CNTNAP2: variants seen among roughly 807,000 people sequenced by gnomAD.
The protein encoded by CNTNAP2 is contactin associated protein 2, also known as contactin-associated protein-like 2.
Under a neutral mutation model 155.2 loss-of-function variants are expected in CNTNAP2, and 98 were observed. The ratio of observed to expected loss-of-function variants is 0.63; its 90% CI spans 0.54 to 0.75. CNTNAP2 has a LOEUF of 0.75. Among genes scored for constraint, CNTNAP2 ranks in the 30% least tolerant of loss-of-function variants. CNTNAP2 has a pLI of 0.00. For missense variants in CNTNAP2, 1,727 were observed against 1,688.1 expected, an observed-to-expected ratio of 1.02 and a Z score of -0.40; for synonymous variants, 651 against 631.2, an observed-to-expected ratio of 1.03 and a Z score of -0.47.
chr7:146,479,815 T>G (rs1796933002), intron 1 of CNTNAP2, among the ~76,000 whole-genome samples: 2 of 152,134 alleles, frequency 1.3e-5, no homozygotes, highest in Admixed American at 6.6e-5. Flanking sequence ...GACAGAGTCT[T>G]GCTCTGTCCC....
chr7:147,610,238 G>A (rs571510651), intron 12 of CNTNAP2, among the ~76,000 whole-genome samples: 4 of 152,186 alleles, frequency 2.6e-5, no homozygotes, highest in South Asian at 2.1e-4. Context: ...GTACAGACCC[G>A]TCAACTTTTT....
At chr7:146,266,792 TG>T (rs1410045781) in intron 1 of CNTNAP2, among the ~76,000 whole-genome samples, 1 of 151,228 alleles carries the variant, frequency 6.6e-6, no homozygotes, top group Admixed American at 6.6e-5. Flanking sequence ...AAAGATGTGA[TG>T]GAAAAAAAAA....
At chr7:147,278,207 T>C (rs1211269344) in intron 8 of CNTNAP2, among the ~76,000 whole-genome samples, 2 of 151,352 alleles carry the variant, frequency 1.3e-5, no homozygotes, top group African/African-American at 2.4e-5. Context: ...AGCTTTTCCA[T>C]CAATTTCCAT....
At chr7:147,829,663 C>A (rs1347563584) in intron 13 of CNTNAP2, among the ~76,000 whole-genome samples, 1 of 152,120 alleles carries the variant, frequency 6.6e-6, no homozygotes, top group Admixed American at 6.6e-5. Context: ...AGCTGGAAAG[C>A]CCACACAAAT....
At chr7:147,469,271 A>G (rs1798170874) in intron 10 of CNTNAP2, among the ~76,000 whole-genome samples, 1 of 152,156 alleles carries the variant, frequency 6.6e-6, no homozygotes, top group Admixed American at 6.6e-5. Flanking sequence ...GTAATTCAGG[A>G]AAAACTCTAC....
rs547937682 is a variant in CNTNAP2 at position 147,148,302 on chromosome 7, A to C, written c.1348+15793A>C. On this transcript the variant is annotated intron_variant, in intron 8 of 23. Transcript: ENST00000361727. ...CTACTTGGGAGGCTGAGGCAGGAGA[A>C]TGGCGTGAACCCGGGAGGCGGAGCT... Among the ~76,000 whole-genome samples the C allele has an allele frequency of 8.3e-3, 1,232 of 149,286 alleles. 17 individuals are homozygous for C. Among genetic ancestry groups the C allele is most frequent in the Middle Eastern group, 0.024 (7 of 286 alleles).
chr7:148,356,397 C>T (rs935433825), intron 21 of CNTNAP2, among the ~76,000 whole-genome samples: 1 of 152,200 alleles, frequency 6.6e-6, no homozygotes, highest in African/African-American at 2.4e-5. Flanking sequence ...AAGTCTTCTT[C>T]AGTCCATGAA....
intron 13 of CNTNAP2, among the ~76,000 whole-genome samples, chr7:147,802,184 C>G (rs572556372): frequency 6.8e-6 from 1 of 147,150 alleles, no homozygotes; most frequent in Admixed American, 6.8e-5. Context: ...GACGGGGCGG[C>G]GGGGCAGAGG....
intron 8 of CNTNAP2, among the ~76,000 whole-genome samples, chr7:147,293,767 TACTTTA>T (rs1189140665): frequency 6.6e-6 from 1 of 152,198 alleles, no homozygotes; most frequent in Non-Finnish European, 1.5e-5. Context: ...TCAAGAGTCT[TACTTTA>T]AAAATGATAA....
intron 10 of CNTNAP2, among the ~76,000 whole-genome samples, chr7:147,431,258 T>C (rs1005932743): frequency 6.6e-6 from 1 of 152,208 alleles, no homozygotes; most frequent in African/African-American, 2.4e-5. Flanking sequence ...AAACCTTTAA[T>C]GAATTCCATG....
chr7:147,454,886 C>T (rs927504858), intron 10 of CNTNAP2, among the ~76,000 whole-genome samples: 4 of 152,056 alleles, frequency 2.6e-5, no homozygotes, highest in Non-Finnish European at 4.4e-5. Context: ...TCTGCCAGTG[C>T]TCATTGTAGA....
intron 1 of CNTNAP2, among the ~76,000 whole-genome samples, chr7:146,621,049 A>T (rs959787062): frequency 2.0e-5 from 3 of 152,144 alleles, no homozygotes; most frequent in Non-Finnish European, 4.4e-5. Flanking sequence ...ACATATCCAT[A>T]TATCGATCTC....
chr7:147,625,679 T>G (rs1794957215), intron 12 of CNTNAP2, among the ~76,000 whole-genome samples: 1 of 152,196 alleles, frequency 6.6e-6, no homozygotes, highest in African/African-American at 2.4e-5. Context: ...CTGGATGAAC[T>G]GAACTGTGTG....
At chr7:146,939,850 T>C (rs370636691) in intron 3 of CNTNAP2, among the ~76,000 whole-genome samples, 38 of 152,272 alleles carry the variant, frequency 2.5e-4, no homozygotes, top group African/African-American at 9.1e-4. Flanking sequence ...GTTAAATTTT[T>C]CAATATTTGT....
intron 5 of CNTNAP2, among the ~76,000 whole-genome samples, chr7:147,116,720 C>T (rs972311288): frequency 6.6e-6 from 1 of 152,036 alleles, no homozygotes; most frequent in African/African-American, 2.4e-5. Context: ...CCCTTGGTCA[C>T]TCCATCCCAG....
intron 3 of CNTNAP2, among the ~76,000 whole-genome samples, chr7:147,027,255 G>T (rs1584791472): frequency 2.6e-5 from 4 of 152,268 alleles, no homozygotes; most frequent in South Asian, 4.1e-4. Flanking sequence ...CATCACTCAA[G>T]TAATGCCCAT....
chr7:148,396,923 G>T lies in CNTNAP2; in HGVS notation c.3716-12468G>T, dbSNP rs571780909. ...TTAAACATAGAAAATAAGATGAATT[G>T]TTTTGGAAATTCCCCTTTAAACATG... On this transcript the variant is annotated intron_variant, in intron 22 of 23. Transcript: ENST00000361727. Among the ~76,000 whole-genome samples the T allele has an allele frequency of 2.5e-3, 375 of 152,292 alleles. 2 individuals carry two copies. Among genetic ancestry groups the T allele is most frequent in the African/African-American group, 8.1e-3 (337 of 41,570 alleles).
intron 11 of CNTNAP2, among the ~76,000 whole-genome samples, chr7:147,545,189 T>A (rs1344252574): frequency 6.6e-6 from 1 of 152,164 alleles, no homozygotes; most frequent in Non-Finnish European, 1.5e-5. Context: ...CCTGAATCCC[T>A]AACATCTTGT....
chr7:146,818,531 C>A (rs771304331), intron 2 of CNTNAP2, among the ~76,000 whole-genome samples: 4 of 151,818 alleles, frequency 2.6e-5, no homozygotes, highest in East Asian at 1.9e-4. Context: ...GTTTTAAATA[C>A]CTCCATGGAA....
Sources: allele counts gnomAD v4.1 joint callset (sites outside exome capture counted in the v4.1 genomes callset), GRCh38; gene constraint gnomAD v4.1.1; transcripts MANE v1.5; gene names NCBI Gene and HGNC (gene_info 2026-07-23, HGNC 2026-07-21).